DMD: variants seen among roughly 807,000 people sequenced by gnomAD.
DMD encodes dystrophin.
Under a neutral mutation model 330.1 loss-of-function variants are expected in DMD, and 63 were observed. The observed-to-expected ratio is 0.19, with a 90% confidence interval of 0.16 to 0.24. The LOEUF (loss-of-function observed/expected upper bound fraction) is 0.24. Ranked by LOEUF, DMD falls within the 10% of genes least tolerant of loss-of-function variation. The probability of loss-of-function intolerance (pLI) is 1.00; values close to 1 mark genes in which losing one functional copy is unlikely to be tolerated. For synonymous variants in DMD, 1,223 were observed against 959.8 expected (o/e 1.27, Z -5.07); for missense variants, 3,344 against 2,684.1 (o/e 1.25, Z -5.43).
chrX:31,272,780 T>G (rs757079686), intron 62 of DMD, among the ~76,000 whole-genome samples: 7 of 111,595 alleles, frequency 6.3e-5, no homozygotes, highest in African/African-American at 2.3e-4. Flanking sequence ...TGTTGAAAGA[T>G]TCCTCCTTCT....
intron 9 of DMD, among the ~76,000 whole-genome samples, chrX:32,679,900 TAC>T (rs1294009647): frequency 2.3e-5 from 2 of 87,657 alleles, no homozygotes; most frequent in African/African-American, 4.4e-5. Context: ...CTAATATTTG[TAC>T]TTTTTTTTTT....
intron 60 of DMD, among the ~76,000 whole-genome samples, chrX:31,377,758 C>A (rs1254759571): frequency 8.9e-6 from 1 of 111,835 alleles, no homozygotes; most frequent in East Asian, 2.8e-4. Context: ...CCATCATATC[C>A]CCTGTGACCT....
At chrX:33,007,286 C>A (rs1335697011) in intron 2 of DMD, among the ~76,000 whole-genome samples, 1 of 110,877 alleles carries the variant, frequency 9.0e-6, no homozygotes, top group Non-Finnish European at 1.9e-5. Flanking sequence ...TCTGCACCAG[C>A]CATCTTGACT....
intron 11 of DMD, among the ~76,000 whole-genome samples, chrX:32,616,626 G>T (rs186319887): frequency 3.8e-5 from 4 of 105,873 alleles, no homozygotes; most frequent in Admixed American, 2.0e-4. Flanking sequence ...AATGTTCCAG[G>T]CTCATTTTCT....
chrX:33,128,515 C>G, intron 1 of DMD: 2 of 786,991 alleles, frequency 2.5e-6, no homozygotes, highest in Non-Finnish European at 3.1e-6. Context: ...TCAGTAACCT[C>G]AGTTCCTCTA....
intron 63 of DMD, among the ~76,000 whole-genome samples, chrX:31,239,285 A>T (rs1279280930): frequency 8.9e-6 from 1 of 112,363 alleles, no homozygotes; most frequent in African/African-American, 3.2e-5. Context: ...GGAATTAAAT[A>T]ATTTGGGAAA....
At chrX:32,874,388 A>G (rs1348151597) in intron 2 of DMD, among the ~76,000 whole-genome samples, 2 of 111,533 alleles carry the variant, frequency 1.8e-5, no homozygotes, top group African/African-American at 6.5e-5. Flanking sequence ...GCTACCATCA[A>G]TTGTTTCCTG....
chrX:32,846,452 G>C (rs1050488959), intron 3 of DMD, among the ~76,000 whole-genome samples: 3 of 110,731 alleles, frequency 2.7e-5, no homozygotes, highest in African/African-American at 9.9e-5. Context: ...CCTCACCCTA[G>C]AACTCCTTAT....
chrX:31,314,742 C>CAGAGACAGAGAGAGAGAGAGAGAGAG (rs769013334), intron 62 of DMD, among the ~76,000 whole-genome samples: 5 of 55,283 alleles, frequency 9.0e-5, no homozygotes, highest in African/African-American at 4.2e-4. Flanking sequence ...AATACATACA[C>CAGAGACAGAGAGAGAGAGAGAGAGAG]AGAGAGAGAG....
At chrX:31,633,366 C>T (rs1384069013) in intron 54 of DMD, among the ~76,000 whole-genome samples, 5 of 111,816 alleles carry the variant, frequency 4.5e-5, no homozygotes, top group Non-Finnish European at 9.4e-5. Context: ...TACAGATTAT[C>T]TTTAATTCTG....
chrX:31,244,101 A>T (rs1031664940), intron 63 of DMD, among the ~76,000 whole-genome samples: 1 of 112,006 alleles, frequency 8.9e-6, no homozygotes, highest in African/African-American at 3.2e-5. Context: ...GTAACTAAAT[A>T]TTTACATATC....
At chrX:31,908,226 A>T (rs988409979) in intron 47 of DMD, among the ~76,000 whole-genome samples, 1 of 112,012 alleles carries the variant, frequency 8.9e-6, no homozygotes, top group Non-Finnish European at 1.9e-5. Flanking sequence ...TATATACCCA[A>T]AGGATTATAA....
intron 57 of DMD, among the ~76,000 whole-genome samples, chrX:31,491,254 T>G (rs1036884029): frequency 2.7e-5 from 3 of 112,152 alleles, no homozygotes; most frequent in Non-Finnish European, 5.6e-5. Flanking sequence ...GGAAGGGAGT[T>G]GAATAAGCTG....
At chrX:32,733,973 G>A (rs1178444098) in intron 7 of DMD, among the ~76,000 whole-genome samples, 1 of 106,165 alleles carries the variant, frequency 9.4e-6, no homozygotes, top group Admixed American at 1.0e-4. Flanking sequence ...ATGAATCCAG[G>A]AGCTGGTTTT....
At chrX:32,924,524 C>G (rs2088780979) in intron 2 of DMD, among the ~76,000 whole-genome samples, 1 of 111,236 alleles carries the variant, frequency 9.0e-6, no homozygotes, top group Non-Finnish European at 1.9e-5. Context: ...GATCTTGTCC[C>G]TTAAAGATAA....
At chrX:31,413,139 T>C (rs2061717859) in intron 60 of DMD, among the ~76,000 whole-genome samples, 1 of 112,383 alleles carries the variant, frequency 8.9e-6, no homozygotes, top group African/African-American at 3.2e-5. Context: ...ACTGCAGATG[T>C]GGTTTAACTA....
intron 47 of DMD, among the ~76,000 whole-genome samples, chrX:31,898,466 A>G (rs986496398): frequency 9.0e-6 from 1 of 110,893 alleles, no homozygotes; most frequent in African/African-American, 3.3e-5. Context: ...GTAACGCCGC[A>G]TATCTACAAC....
chrX:32,126,362 C>T (rs1473216500), intron 44 of DMD, among the ~76,000 whole-genome samples: 3 of 111,948 alleles, frequency 2.7e-5, no homozygotes, highest in Non-Finnish European at 5.6e-5. Flanking sequence ...TTTCAACCAT[C>T]GGTATCCACT....
intron 5 of DMD, among the ~76,000 whole-genome samples, chrX:32,821,111 C>A (rs1023257721): frequency 9.0e-6 from 1 of 110,996 alleles, no homozygotes; most frequent in Admixed American, 9.7e-5. Context: ...CATATTAATT[C>A]CCGCTCTTTC....
Sources: allele counts gnomAD v4.1 joint callset (sites outside exome capture counted in the v4.1 genomes callset), GRCh38; gene constraint gnomAD v4.1.1; transcripts MANE v1.5; gene names NCBI Gene and HGNC (gene_info 2026-07-23, HGNC 2026-07-21).